COL6A6: variants seen among roughly 807,000 people sequenced by gnomAD.
COL6A6 encodes collagen alpha-6(VI) chain.
In COL6A6, 183 loss-of-function variants were observed where a neutral mutation model predicts 208.6. The observed-to-expected ratio is 0.88, with a 90% confidence interval of 0.78 to 0.99. The LOEUF (loss-of-function observed/expected upper bound fraction) is 0.99, where lower values mean the gene tolerates loss of function less well. COL6A6 is among the 50% of genes least tolerant of loss of function. The pLI, the probability that COL6A6 is intolerant of heterozygous loss-of-function variation, is 0.00. For synonymous variants in COL6A6, 973 were observed against 1,011.8 expected (o/e 0.96, Z 0.73); for missense variants, 2,816 against 2,815.2 (o/e 1.00, Z -0.01).
intron 33 of COL6A6, among the ~76,000 whole-genome samples, chr3:130,655,971 G>C (rs748133545): frequency 6.6e-6 from 1 of 152,222 alleles, no homozygotes; most frequent in African/African-American, 2.4e-5. Context: ...AGCTCCCTGC[G>C]AGGCTGTGGC....
chr3:130,659,241 T>C (rs757913516), intron 34 of COL6A6, among the ~76,000 whole-genome samples: 45 of 152,210 alleles, frequency 3.0e-4, no homozygotes, highest in Non-Finnish European at 1.0e-4. Context: ...AAAGGCTTCA[T>C]AGACTCCCAA....
intron 36 of COL6A6, among the ~76,000 whole-genome samples, chr3:130,669,317 C>T (rs1358216163): frequency 6.6e-6 from 1 of 152,146 alleles, no homozygotes; most frequent in African/African-American, 2.4e-5. Flanking sequence ...ATTGCTCCAA[C>T]TCAGGAGGTA....
chr3:130,554,633 G>GCCACA (rs2062725938), intron 1 of COL6A6, among the ~76,000 whole-genome samples: 1 of 152,156 alleles, frequency 6.6e-6, no homozygotes, highest in Non-Finnish European at 1.5e-5. Flanking sequence ...TTGGAGGTGT[G>GCCACA]GTGGAGGGAT....
At position 130,586,750 on chromosome 3, in the gene COL6A6, G is replaced by A. The variant is rs1056279420; in HGVS notation, c.4125+90G>A. 5 of 1,296,324 alleles carry A rather than the reference G, an allele frequency of 3.9e-6. No homozygotes were observed. The African/African-American group carries it at 7.5e-5, about 19-fold the overall frequency. The allele number at this position is 1,296,324 out of a possible 1,614,324, so 80.3% of individuals were successfully genotyped here. ...TTATGCTTAAGAATTTGAACTTACT[G>A]TGTTTATTTGGGAGTGAAGAAAGGT... On this transcript the variant is annotated intron_variant, in intron 11 of 36. Coordinates refer to ENST00000358511, the MANE Select transcript of COL6A6 (RefSeq NM_001102608.3).
At chr3:130,610,357 G>A (rs2064318792) in intron 22 of COL6A6, among the ~76,000 whole-genome samples, 3 of 152,164 alleles carry the variant, frequency 2.0e-5, no homozygotes, top group Admixed American at 2.0e-4. Flanking sequence ...CAAGAGAAAT[G>A]TAGGGAAATG....
chr3:130,641,807 C>T, intron 29 of COL6A6, 93 bp downstream of exon 29: 1 of 629,104 alleles, frequency 1.6e-6, no homozygotes, highest in Non-Finnish European at 2.7e-6. Context: ...ATGTGCATGC[C>T]TTCTGTCTCT....
chr3:130,559,540 T>G (rs1577698983), intron 1 of COL6A6, among the ~76,000 whole-genome samples: 1 of 152,212 alleles, frequency 6.6e-6, no homozygotes, highest in Admixed American at 6.5e-5. Flanking sequence ...AAGCAGGACA[T>G]GGAGACACTG....
intron 36 of COL6A6, among the ~76,000 whole-genome samples, chr3:130,666,109 T>G (rs946437158): frequency 2.0e-5 from 3 of 152,152 alleles, no homozygotes; most frequent in Non-Finnish European, 4.4e-5. Context: ...GTTTATAGGA[T>G]TCATATCATG....
intron 31 of COL6A6, among the ~76,000 whole-genome samples, chr3:130,643,981 G>A (rs1415624446): frequency 1.3e-5 from 2 of 152,136 alleles, no homozygotes; most frequent in Non-Finnish European, 2.9e-5. Context: ...AGTTAGTGCG[G>A]TGGGTTTTAT....
chr3:130,623,597 T>C (rs968078336), intron 24 of COL6A6, among the ~76,000 whole-genome samples: 1 of 152,144 alleles, frequency 6.6e-6, no homozygotes, highest in Admixed American at 6.5e-5. Context: ...ATAGAACTCT[T>C]CCAATAGGGG....
At chr3:130,595,644 A>G (rs1264039183) in intron 18 of COL6A6, among the ~76,000 whole-genome samples, 4 of 152,192 alleles carry the variant, frequency 2.6e-5, no homozygotes, top group Non-Finnish European at 4.4e-5. Context: ...AGTTCATTCA[A>G]TTTCGTGGCT....
At chr3:130,647,377 T>C (rs2065492664) in intron 32 of COL6A6, among the ~76,000 whole-genome samples, 1 of 152,236 alleles carries the variant, frequency 6.6e-6, no homozygotes, top group Admixed American at 6.5e-5. Context: ...GAAGCATTTT[T>C]GTTGTTGTTT....
In COL6A6 at chr3:130,563,164, T is replaced by C. The variant is rs745380513; in HGVS notation, c.161T>C (p.Ile54Thr). The change falls in exon 3 of 37, where the codon ATC becomes ACC. Residue 54 changes from isoleucine to threonine, a missense_variant. Physicochemically the swap from Ile to Thr is moderately conservative, Grantham distance 89. Coordinates refer to ENST00000358511, the MANE Select transcript of COL6A6 (RefSeq NM_001102608.3). ...GTGAAAATGTTCATCACCAAAATGA[T>C]CAGCAGTCTCCCCATAGAGGCCGAC... ...PFVKMFITKM[I>T]SSLPIEADKY... 1 of 1,614,006 alleles carries C rather than the reference T, an allele frequency of 6.2e-7. No individual in the cohort carries two copies.
chr3:130,571,649 A>G (rs1423678760), intron 7 of COL6A6, among the ~76,000 whole-genome samples: 1 of 152,094 alleles, frequency 6.6e-6, no homozygotes, highest in Non-Finnish European at 1.5e-5. Context: ...ATGATGGGAA[A>G]TTCAAAAGTT....
At chr3:130,651,166 G>A (rs1415042806) in intron 33 of COL6A6, among the ~76,000 whole-genome samples, 4 of 152,112 alleles carry the variant, frequency 2.6e-5, no homozygotes, top group South Asian at 2.1e-4. Context: ...GGTGGCTCAC[G>A]CCTGTAATCC....
chr3:130,586,940 T>G (rs2063556078), intron 11 of COL6A6, among the ~76,000 whole-genome samples: 1 of 152,064 alleles, frequency 6.6e-6, no homozygotes, highest in Non-Finnish European at 1.5e-5. Context: ...ATGTCCAAAT[T>G]ATAGCCAAAG....
intron 23 of COL6A6, 134 bp downstream of exon 23, chr3:130,610,845 G>A: frequency 3.1e-6 from 2 of 647,060 alleles, no homozygotes; most frequent in African/African-American, 1.8e-5. Flanking sequence ...TCAGCTCAAT[G>A]TGGTGGCCAC....
At chr3:130,592,754 CA>C in intron 15 of COL6A6, 32 bp downstream of exon 15, 1 of 1,542,346 alleles carries the variant, frequency 6.5e-7, no homozygotes, top group Admixed American at 1.8e-5. Context: ...TTTACCTACC[CA>C]TATGTTATCT....
At chr3:130,557,092 G>A (rs536232115) in intron 1 of COL6A6, among the ~76,000 whole-genome samples, 1 of 152,250 alleles carries the variant, frequency 6.6e-6, no homozygotes, top group South Asian at 2.1e-4. Flanking sequence ...TGGTGTTTAA[G>A]GTCACACGGC....
Sources: gnomAD v4.1 joint callset for allele counts (sites outside exome capture counted in the v4.1 genomes callset) on GRCh38, gnomAD v4.1.1 for gene constraint, MANE v1.5 for transcripts, NCBI Gene and HGNC (gene_info 2026-07-23, HGNC 2026-07-21) for gene names.